Variants in TIAM2 observed in about 807,000 individuals in gnomAD.
TIAM2 encodes the protein TIAM Rac1 associated GEF 2.
A neutral mutation model predicts 152.9 loss-of-function variants in TIAM2; 80 were observed. The ratio of observed to expected loss-of-function variants is 0.52; its 90% confidence interval spans 0.44 to 0.63. The LOEUF (loss-of-function observed/expected upper bound fraction) is 0.63. Among genes scored for constraint, TIAM2 ranks in the 30% least tolerant of loss-of-function variants. The pLI, the probability that TIAM2 is intolerant of heterozygous loss-of-function variation, is 0.00. For synonymous variants in TIAM2, 804 were observed against 838.0 expected, an observed-to-expected ratio of 0.96 and a Z score of 0.70; for missense variants, 1,965 against 2,120.1, an observed-to-expected ratio of 0.93 and a Z score of 1.44.
In TIAM2 at chr6:155,048,491, G is replaced by A. The variant is rs1037397836; in HGVS notation, c.-208-41798G>A. 7.9e-5 allele frequency among the ~76,000 whole-genome samples: 12 copies of A among 152,236 alleles called. No individual in the cohort carries two copies. In the East Asian group the frequency reaches 1.4e-3, roughly 17 times the overall value. On this transcript the variant is annotated intron_variant, in intron 1 of 26. Coordinates refer to ENST00000682666, the MANE Select transcript of TIAM2 (RefSeq NM_012454.4). The stretch of plus-strand genomic sequence containing the variant: ...ATACACAGAGAAGAAAACAGCAAAC[G>A]AGTAAACAAGGCTGCAAGGACAAGT...
At chr6:155,010,677 C>T (rs895436903) in intron 1 of TIAM2, among the ~76,000 whole-genome samples, 1 of 152,132 alleles carries the variant, frequency 6.6e-6, no homozygotes, top group African/African-American at 2.4e-5. Context: ...CTGGTACCTC[C>T]CAACCTCAGG....
intron 7 of TIAM2, among the ~76,000 whole-genome samples, chr6:155,150,675 A>T (rs1282073280): frequency 6.6e-6 from 1 of 152,196 alleles, no homozygotes. Flanking sequence ...TATTTCTCAG[A>T]GTTCTGAAGG....
chr6:155,173,252 A>T (rs76494358), intron 9 of TIAM2, among the ~76,000 whole-genome samples: 4,718 of 150,790 alleles, frequency 0.031, 246 homozygotes, highest in African/African-American at 0.11. Context: ...TTAACTTTTC[A>T]TTGAGGGACT....
intron 2 of TIAM2, among the ~76,000 whole-genome samples, chr6:155,112,563 T>C (rs901082376): frequency 6.6e-6 from 1 of 152,154 alleles, no homozygotes; most frequent in Non-Finnish European, 1.5e-5. Flanking sequence ...TGTTTACTTA[T>C]GGAGAACCCA....
chr6:155,139,113 C>T (rs1779627243), intron 5 of TIAM2, among the ~76,000 whole-genome samples: 1 of 152,192 alleles, frequency 6.6e-6, no homozygotes, highest in South Asian at 2.1e-4. Flanking sequence ...TGATGCCCTT[C>T]CCTGTCACAG....
chr6:155,000,186 A>T lies in TIAM2; in HGVS notation c.-209+4694A>T, dbSNP rs577071990. Among the ~76,000 whole-genome samples, 4 of 152,328 alleles carry T rather than the reference A, an allele frequency of 2.6e-5. No individual in the cohort carries two copies. In the South Asian group the frequency reaches 8.3e-4, roughly 32 times the overall value. On this transcript the variant is annotated intron_variant, in intron 1 of 26. Transcript: ENST00000682666. Reference sequence around the variant, plus strand: ...GAATAAGGAAGAAATTCATGCTTAAACAACTCCCTCAATGTTAAACATGTA... The same window carrying T: ...GAATAAGGAAGAAATTCATGCTTAATCAACTCCCTCAATGTTAAACATGTA...
At chr6:155,200,162 C>A (rs1377366986) in intron 14 of TIAM2, among the ~76,000 whole-genome samples, 1 of 152,114 alleles carries the variant, frequency 6.6e-6, no homozygotes, top group African/African-American at 2.4e-5. Flanking sequence ...TGCTGATAGT[C>A]CTTGTCTTCT....
chr6:155,094,074 A>G (rs1287320856), intron 2 of TIAM2, among the ~76,000 whole-genome samples: 3 of 152,168 alleles, frequency 2.0e-5, no homozygotes, highest in Admixed American at 6.5e-5. Context: ...CTAAATTTAA[A>G]TTGATTGCCT....
chr6:155,089,582 A>G (rs1778253394), intron 1 of TIAM2, among the ~76,000 whole-genome samples: 2 of 152,166 alleles, frequency 1.3e-5, no homozygotes, highest in South Asian at 4.1e-4. Flanking sequence ...ATCCGTAACA[A>G]TGGCTCAAGA....
intron 1 of TIAM2, among the ~76,000 whole-genome samples, chr6:155,080,103 C>T (rs1303314912): frequency 6.6e-6 from 1 of 152,178 alleles, no homozygotes; most frequent in Non-Finnish European, 1.5e-5. Context: ...GAATCACAAC[C>T]CAAAGTAGCC....
intron 14 of TIAM2, among the ~76,000 whole-genome samples, chr6:155,206,543 G>A (rs950266484): frequency 2.6e-5 from 4 of 152,198 alleles, no homozygotes; most frequent in African/African-American, 9.6e-5. Flanking sequence ...CCCACAGCAT[G>A]TTGATTAAAG....
chr6:155,187,129 C>A (rs1474978226), intron 14 of TIAM2, among the ~76,000 whole-genome samples: 1 of 152,152 alleles, frequency 6.6e-6, no homozygotes, highest in African/African-American at 2.4e-5. Context: ...TTATAGCCCC[C>A]TGTCGAGCAC....
At chr6:155,130,961 CCTCAA>C (rs1413104653) in intron 4 of TIAM2, among the ~76,000 whole-genome samples, 1 of 148,236 alleles carries the variant, frequency 6.7e-6, no homozygotes, top group Non-Finnish European at 1.5e-5. Flanking sequence ...GTAGTTAAGG[CCTCAA>C]CATGGATTTT....
chr6:155,028,824 CTG>C (rs1468750804), intron 1 of TIAM2, among the ~76,000 whole-genome samples: 1 of 132,756 alleles, frequency 7.5e-6, no homozygotes, highest in African/African-American at 2.8e-5. Context: ...AATATATATA[CTG>C]TGTTATATAT....
chr6:155,226,858 C>T (rs1782266340), intron 15 of TIAM2, among the ~76,000 whole-genome samples: 1 of 152,194 alleles, frequency 6.6e-6, no homozygotes, highest in Admixed American at 6.5e-5. Context: ...TTGGTTTCTT[C>T]TGGAGAAGAA....
intron 1 of TIAM2, among the ~76,000 whole-genome samples, chr6:155,009,488 C>T (rs781247089): frequency 2.6e-5 from 4 of 151,938 alleles, no homozygotes; most frequent in Non-Finnish European, 5.9e-5. Flanking sequence ...GATCTGGGGC[C>T]GCATTTGGAG....
chr6:155,145,987 A>G (rs1467439773), intron 6 of TIAM2, among the ~76,000 whole-genome samples: 1 of 152,214 alleles, frequency 6.6e-6, no homozygotes, highest in Non-Finnish European at 1.5e-5. Context: ...AATTGTAAGG[A>G]AGGTAAAAAA....
At position 155,134,286 on chromosome 6, in the gene TIAM2, A is replaced by C. The variant is rs183426519; in HGVS notation, c.1195-2891A>C. On this transcript the variant is annotated intron_variant, in intron 4 of 26. Coordinates refer to ENST00000682666, the MANE Select transcript of TIAM2 (RefSeq NM_012454.4). ...GCTCTTTTTTATTAGCCTGAAAATT[A>C]GTGACTGGCTATTAGGATTCTAGAT... 1.8e-3 allele frequency among the ~76,000 whole-genome samples: 274 copies of C among 152,254 alleles called. 1 individual carries two copies. Among genetic ancestry groups the C allele is most frequent in the African/African-American group, 6.3e-3 (263 of 41,558 alleles).
chr6:155,157,270 G>A (rs1326648917), intron 7 of TIAM2, among the ~76,000 whole-genome samples: 4 of 151,930 alleles, frequency 2.6e-5, no homozygotes, highest in Non-Finnish European at 4.4e-5. Flanking sequence ...CTAACAGAAC[G>A]CCTCCTTTTG....
Sources: allele counts gnomAD v4.1 joint callset (sites outside exome capture counted in the v4.1 genomes callset), GRCh38; gene constraint gnomAD v4.1.1; transcripts MANE v1.5; gene names NCBI Gene and HGNC (gene_info 2026-07-23, HGNC 2026-07-21).